BFSP2: variants seen among roughly 807,000 people sequenced by gnomAD.
BFSP2 encodes the protein phakinin.
In BFSP2, 38 loss-of-function variants were observed where a neutral mutation model predicts 44.9. The ratio of observed to expected loss-of-function variants is 0.85; its 90% confidence interval spans 0.65 to 1.11. The LOEUF (loss-of-function observed/expected upper bound fraction) is 1.11. Among genes scored for constraint, BFSP2 ranks in the 50% least tolerant of loss-of-function variants. The probability of loss-of-function intolerance (pLI) is 0.00; values close to 1 mark genes in which losing one functional copy is unlikely to be tolerated. For missense variants in BFSP2, 525 were observed against 533.0 expected, an observed-to-expected ratio of 0.99 and a Z score of 0.15; for synonymous variants, 197 against 209.9, an observed-to-expected ratio of 0.94 and a Z score of 0.53.
chr3:133,410,646 A>T (rs944223799), intron 1 of BFSP2: 22 of 296,530 alleles, frequency 7.4e-5, no homozygotes, highest in African/African-American at 5.0e-4. Context: ...GTTCAGTTCA[A>T]TGTTACAGAA....
chr3:133,474,822 C>A (rs2074200103), intron 6 of BFSP2, 147 bp from the exon 7 acceptor site: 2 of 1,059,690 alleles, frequency 1.9e-6, no homozygotes, highest in South Asian at 1.3e-5. Context: ...AGCAAATAAC[C>A]ATGGAGTAAT....
intron 1 of BFSP2, among the ~76,000 whole-genome samples, chr3:133,413,959 G>T (rs148375839): frequency 6.6e-6 from 1 of 151,710 alleles, no homozygotes; most frequent in Non-Finnish European, 1.5e-5. Flanking sequence ...CCTGCTGAAT[G>T]TAACTGCCCA....
At chr3:133,415,364 C>A (rs1157620123) in intron 1 of BFSP2, among the ~76,000 whole-genome samples, 2 of 28,236 alleles carry the variant, frequency 7.1e-5, no homozygotes, top group Non-Finnish European at 1.4e-4. Context: ...ACTCACCCCT[C>A]TACTCAACCC....
chr3:133,415,096 A>G (rs1353137999), intron 1 of BFSP2, among the ~76,000 whole-genome samples: 1 of 84,788 alleles, frequency 1.2e-5, no homozygotes, highest in Non-Finnish European at 2.3e-5. Flanking sequence ...TCTCCCCTCT[A>G]CTCAGCCCTG....
At chr3:133,446,412 C>T (rs914049565) in intron 1 of BFSP2, among the ~76,000 whole-genome samples, 2 of 150,912 alleles carry the variant, frequency 1.3e-5, no homozygotes, top group Admixed American at 6.6e-5. Context: ...CAAAGCAAGA[C>T]TCTGTCTCAA....
chr3:133,447,980 C>T (rs562898864), intron 2 of BFSP2, among the ~76,000 whole-genome samples: 8 of 152,192 alleles, frequency 5.3e-5, no homozygotes, highest in Non-Finnish European at 7.3e-5. Flanking sequence ...GCTTGAGAAC[C>T]GTGCTCAGCT....
chr3:133,457,357 C>T (rs2074021545), intron 4 of BFSP2, among the ~76,000 whole-genome samples: 1 of 152,140 alleles, frequency 6.6e-6, no homozygotes, highest in Admixed American at 6.6e-5. Flanking sequence ...TTTAAATTGA[C>T]TTTTATTTTA....
chr3:133,401,154 G>C (rs1268941025), intron 1 of BFSP2, among the ~76,000 whole-genome samples: 1 of 152,174 alleles, frequency 6.6e-6, no homozygotes, highest in Non-Finnish European at 1.5e-5. Context: ...AGTAAAACAC[G>C]TAAAAAGAAG....
At position 133,400,684 on chromosome 3, in the gene BFSP2, A is replaced by C; in HGVS notation, c.489+112A>C. 3 of 1,452,380 alleles carry C rather than the reference A, an allele frequency of 2.1e-6. No homozygotes were observed. The highest frequency in any genetic ancestry group is 2.8e-6 in the Non-Finnish European group (3 of 1,074,342). The allele number at this position is 1,452,380 out of a possible 1,614,324, so 90.0% of individuals were successfully genotyped here. A position where few individuals can be genotyped will look rare whatever the true frequency, so the allele number is the denominator to read the frequency against. On this transcript the variant is annotated intron_variant, in intron 1 of 6. Transcript: ENST00000302334. This position sits in a 1 kb window ranked among gnomAD's most constrained non-coding sequence, Gnocchi z 4.0. ...CCAGAGAAACTGACCATAATCCCCT[A>C]CACTTTCACACTTAAAATGGTAATG...
intron 1 of BFSP2, among the ~76,000 whole-genome samples, chr3:133,413,935 A>G (rs766272414): frequency 6.6e-6 from 1 of 151,838 alleles, no homozygotes; most frequent in Non-Finnish European, 1.5e-5. Context: ...AAAATTATGC[A>G]GAAGACAAAG....
At chr3:133,437,766 C>T (rs2073804634) in intron 1 of BFSP2, among the ~76,000 whole-genome samples, 1 of 152,108 alleles carries the variant, frequency 6.6e-6, no homozygotes, top group Non-Finnish European at 1.5e-5. Context: ...GTTTTACAGG[C>T]CTGCCCTGGA....
chr3:133,458,233 C>T (rs2074030741), intron 4 of BFSP2, among the ~76,000 whole-genome samples: 1 of 152,134 alleles, frequency 6.6e-6, no homozygotes, highest in Non-Finnish European at 1.5e-5. Context: ...ATCTTTTGCC[C>T]ATTTGGGTTA....
At chr3:133,401,630 C>G (rs2107872429) in intron 1 of BFSP2, among the ~76,000 whole-genome samples, 1 of 152,288 alleles carries the variant, frequency 6.6e-6, no homozygotes, top group East Asian at 1.9e-4. Context: ...GCTGGTCTCT[C>G]TGTGGATAGC....
intron 4 of BFSP2, among the ~76,000 whole-genome samples, chr3:133,458,164 A>G (rs1481950763): frequency 6.6e-6 from 1 of 152,228 alleles, no homozygotes; most frequent in Non-Finnish European, 1.5e-5. Flanking sequence ...GATCTTTGCT[A>G]ATACTATGGG....
chr3:133,431,631 C>A (rs1360644894), intron 1 of BFSP2, among the ~76,000 whole-genome samples: 1 of 152,168 alleles, frequency 6.6e-6, no homozygotes, highest in Non-Finnish European at 1.5e-5. Context: ...CCCCGCAGAC[C>A]ATCACGGACG....
At chr3:133,415,173 C>A (rs2073506768) in intron 1 of BFSP2, among the ~76,000 whole-genome samples, 1 of 119,464 alleles carries the variant, frequency 8.4e-6, no homozygotes, top group Non-Finnish European at 1.8e-5. Context: ...CCATCCTCTC[C>A]CCTCTACTCA....
intron 1 of BFSP2, among the ~76,000 whole-genome samples, chr3:133,432,060 C>T (rs1378147042): frequency 3.9e-5 from 6 of 152,086 alleles, no homozygotes; most frequent in Admixed American, 2.0e-4. Context: ...ACATGCCCAT[C>T]ACCATCCCAT....
intron 1 of BFSP2, among the ~76,000 whole-genome samples, chr3:133,443,987 G>A (rs182058292): frequency 6.0e-4 from 91 of 151,932 alleles, no homozygotes; most frequent in African/African-American, 2.1e-3. Flanking sequence ...AACTACATCC[G>A]CAGTGAAAAC....
intron 1 of BFSP2, among the ~76,000 whole-genome samples, chr3:133,425,785 G>A (rs75329453): frequency 0.011 from 276 of 25,572 alleles, 5 homozygotes; most frequent in African/African-American, 0.016. Flanking sequence ...AAGGGAAAGG[G>A]AAGGGAAGGG....
Sources: allele counts gnomAD v4.1 joint callset (sites outside exome capture counted in the v4.1 genomes callset), GRCh38; gene constraint gnomAD v4.1.1; non-coding constraint Gnocchi (gnomAD v3.1); transcripts MANE v1.5; gene names NCBI Gene and HGNC (gene_info 2026-07-23, HGNC 2026-07-21).